Variants in LRRIQ3 observed in about 807,000 individuals in gnomAD.
LRRIQ3 encodes the protein leucine rich repeats and IQ motif containing 3, also known as leucine-rich repeat and IQ domain-containing protein 3.
LRRIQ3 carries 75 observed loss-of-function variants against 59.3 expected under a neutral mutation model. The observed-to-expected ratio is 1.26, with a 90% CI of 1.05 to 1.53. LRRIQ3 has a LOEUF of 1.53. LRRIQ3 is among the 40% of genes most tolerant of loss of function. The pLI, the probability that LRRIQ3 is intolerant of heterozygous loss-of-function variation, is 0.00. For synonymous variants in LRRIQ3, 250 were observed against 231.3 expected, an observed-to-expected ratio of 1.08 and a Z score of -0.73; for missense variants, 831 against 710.0, an observed-to-expected ratio of 1.17 and a Z score of -1.94.
intron 5 of LRRIQ3, among the ~76,000 whole-genome samples, chr1:74,096,128 T>C (rs902733101): frequency 1.3e-5 from 2 of 152,124 alleles, no homozygotes; most frequent in Admixed American, 6.6e-5. Context: ...AACTGGTCTA[T>C]ATTTTTAAGA....
chr1:74,068,637 A>G (rs1654934233), intron 6 of LRRIQ3, among the ~76,000 whole-genome samples: 2 of 152,112 alleles, frequency 1.3e-5, no homozygotes, highest in Admixed American at 6.6e-5. Flanking sequence ...TTGAAATATT[A>G]CATAGATACA....
intron 4 of LRRIQ3, among the ~76,000 whole-genome samples, chr1:74,118,697 T>C (rs551377359): frequency 5.3e-5 from 8 of 152,128 alleles, no homozygotes; most frequent in African/African-American, 1.9e-4. Context: ...TAGAGATATA[T>C]ATATAGAGAG....
intron 5 of LRRIQ3, among the ~76,000 whole-genome samples, chr1:74,094,136 C>T (rs950450165): frequency 6.6e-6 from 1 of 151,912 alleles, no homozygotes; most frequent in Non-Finnish European, 1.5e-5. Context: ...GGGGGAGATT[C>T]TTAATCCTAT....
intron 7 of LRRIQ3, among the ~76,000 whole-genome samples, chr1:74,029,664 TTG>T (rs1653636603): frequency 6.6e-6 from 1 of 152,056 alleles, no homozygotes; most frequent in Non-Finnish European, 1.5e-5. Flanking sequence ...ATTCTCTTTT[TTG>T]TGTGTGTCTC....
intron 3 of LRRIQ3, among the ~76,000 whole-genome samples, chr1:74,161,802 G>A (rs1648677861): frequency 6.6e-6 from 1 of 151,740 alleles, no homozygotes; most frequent in African/African-American, 2.4e-5. Context: ...GTAAACTCCA[G>A]ACAATACTTA....
chr1:74,140,241 T>C (rs12057153), intron 4 of LRRIQ3, among the ~76,000 whole-genome samples: 6,013 of 151,750 alleles, frequency 0.04, 151 homozygotes, highest in South Asian at 0.13. Context: ...AAAATAAATA[T>C]GCAAAAACTA....
At chr1:74,078,097 G>T (rs975176514) in intron 5 of LRRIQ3, among the ~76,000 whole-genome samples, 3 of 151,842 alleles carry the variant, frequency 2.0e-5, no homozygotes, top group Admixed American at 1.3e-4. Flanking sequence ...TTTTAACAAG[G>T]TCAAAATTAA....
chr1:74,133,897 A>G (rs888025929), intron 4 of LRRIQ3, among the ~76,000 whole-genome samples: 24 of 151,922 alleles, frequency 1.6e-4, no homozygotes, highest in African/African-American at 5.8e-4. Flanking sequence ...CCTACCAAAA[A>G]AAATCTCTAC....
chr1:74,142,759 A>G (rs1434237998), intron 4 of LRRIQ3, among the ~76,000 whole-genome samples: 1 of 152,012 alleles, frequency 6.6e-6, no homozygotes, highest in Non-Finnish European at 1.5e-5. Flanking sequence ...TCATTAGGGC[A>G]TGCGTCAAGG....
intron 3 of LRRIQ3, among the ~76,000 whole-genome samples, chr1:74,159,988 T>A (rs1279427043): frequency 6.6e-6 from 1 of 152,016 alleles, no homozygotes; most frequent in African/African-American, 2.4e-5. Flanking sequence ...ATACCTGAAC[T>A]ATTATAATAG....
intron 4 of LRRIQ3, among the ~76,000 whole-genome samples, chr1:74,141,710 T>A (rs900157254): frequency 1.3e-5 from 2 of 151,820 alleles, no homozygotes; most frequent in South Asian, 4.1e-4. Context: ...TTTATGTCAC[T>A]TTTATCCAAA....
chr1:74,116,577 A>C (rs966421961), intron 4 of LRRIQ3, among the ~76,000 whole-genome samples: 1 of 152,106 alleles, frequency 6.6e-6, no homozygotes, highest in Non-Finnish European at 1.5e-5. Context: ...TTAACTAAAA[A>C]ATATTAGATA....
intron 1 of LRRIQ3, among the ~76,000 whole-genome samples, chr1:74,193,495 G>T (rs1037563813): frequency 4.6e-5 from 7 of 151,948 alleles, no homozygotes; most frequent in African/African-American, 1.7e-4. Context: ...CACATTAAGT[G>T]TAACTATACA....
chr1:74,182,582 A>G lies in LRRIQ3; in HGVS notation c.529T>C (p.Cys177Arg). 1 of 1,600,534 alleles carries G rather than the reference A, an allele frequency of 6.2e-7. No homozygotes were observed. Among genetic ancestry groups the G allele is most frequent in the African/African-American group, 1.3e-5 (1 of 74,662 alleles). Residue 177 changes from cysteine to arginine, a missense_variant, in exon 3 of 8, where the codon TGT (cysteine) becomes CGT (arginine). Physicochemically the swap from Cys to Arg is radical, Grantham distance 180. Transcript: ENST00000354431. ...NWHLPERFKA[C>R]NHRLFFNFCP... Reference sequence around the variant, plus strand: ...AAATTAAAGAAAAGTCGATGGTTACATGCTTTGAATCTTTCAGGAAGATGC... The same window carrying G: ...AAATTAAAGAAAAGTCGATGGTTACGTGCTTTGAATCTTTCAGGAAGATGC...
intron 4 of LRRIQ3, chr1:74,144,320 A>G (rs550898307): frequency 6.5e-5 from 14 of 215,528 alleles, no homozygotes; most frequent in African/African-American, 3.1e-4. Flanking sequence ...AGTAATCAAC[A>G]ATGCAGATTT....
At chr1:74,097,509 A>G (rs1646465463) in intron 5 of LRRIQ3, among the ~76,000 whole-genome samples, 1 of 152,192 alleles carries the variant, frequency 6.6e-6, no homozygotes, top group South Asian at 2.1e-4. Flanking sequence ...GAACTTCCCC[A>G]GCCTAGAAAG....
At chr1:74,065,236 T>C (rs1170067028) in intron 6 of LRRIQ3, among the ~76,000 whole-genome samples, 2 of 152,112 alleles carry the variant, frequency 1.3e-5, no homozygotes, top group African/African-American at 4.8e-5. Context: ...CAGCTTATGC[T>C]TGCATATCTT....
intron 4 of LRRIQ3, among the ~76,000 whole-genome samples, chr1:74,126,086 T>G (rs1176140025): frequency 2.6e-5 from 4 of 151,876 alleles, no homozygotes; most frequent in Admixed American, 6.6e-5. Flanking sequence ...CTTAGTAAGT[T>G]GTATGTGTAT....
intron 5 of LRRIQ3, among the ~76,000 whole-genome samples, chr1:74,086,313 G>T (rs1646327016): frequency 6.6e-6 from 1 of 152,132 alleles, no homozygotes; most frequent in East Asian, 1.9e-4. Context: ...CTTCAGCATG[G>T]TGTCTGGGAT....
Sources: gnomAD v4.1 joint callset for allele counts (sites outside exome capture counted in the v4.1 genomes callset) on GRCh38, gnomAD v4.1.1 for gene constraint, MANE v1.5 for transcripts, NCBI Gene and HGNC (gene_info 2026-07-23, HGNC 2026-07-21) for gene names.